Variants in NCOA4 observed in about 807,000 individuals in gnomAD.
NCOA4 encodes nuclear receptor coactivator 4, also known as 70 kDa AR-activator.
In NCOA4, 31 loss-of-function variants were observed where a neutral mutation model predicts 69.5. The observed-to-expected ratio is 0.45, with a 90% CI of 0.34 to 0.60. NCOA4 has a LOEUF of 0.60. Ranked by LOEUF, NCOA4 falls within the 20% of genes least tolerant of loss-of-function variation. The pLI, the probability that NCOA4 is intolerant of heterozygous loss-of-function variation, is 0.02. For missense variants in NCOA4, 600 were observed against 719.2 expected, an observed-to-expected ratio of 0.83 and a Z score of 1.90; for synonymous variants, 228 against 252.4, an observed-to-expected ratio of 0.90 and a Z score of 0.92.
chr10:46,013,738 TCA>T, intron 5 of NCOA4, 99 bp from the exon 6 acceptor site: 2 of 762,084 alleles, frequency 2.6e-6, no homozygotes, highest in Non-Finnish European at 4.3e-6. Flanking sequence ...CATTACCATT[TCA>T]TTAGAAATAC....
At chr10:46,027,461 C>T (rs1554925735) in intron 1 of NCOA4, 1 of 1,551,476 alleles carries the variant, frequency 6.4e-7, no homozygotes, top group East Asian at 2.4e-5. Flanking sequence ...CAACTGGGCC[C>T]CCATTCCAGC....
chr10:46,022,392 T>A, intron 1 of NCOA4: 1 of 449,058 alleles, frequency 2.2e-6, no homozygotes. Flanking sequence ...TTAAAAAATA[T>A]TTTGCAATTT....
At chr10:46,029,051 G>A (rs569812014) in intron 1 of NCOA4, among the ~76,000 whole-genome samples, 1 of 151,680 alleles carries the variant, frequency 6.6e-6, no homozygotes, top group Non-Finnish European at 1.5e-5. Context: ...AAAAAAAAGG[G>A]GGGGGTGAGG....
intron 1 of NCOA4, chr10:46,027,299 G>C (rs1235335093): frequency 2.3e-5 from 12 of 516,096 alleles, no homozygotes; most frequent in Non-Finnish European, 3.9e-5. Flanking sequence ...GAATGATTAA[G>C]ACTTAAGACT....
intron 5 of NCOA4, 66 bp downstream of exon 5, chr10:46,014,378 T>G (rs1554922524): frequency 7.5e-6 from 9 of 1,194,562 alleles, no homozygotes; most frequent in Non-Finnish European, 9.7e-6. Flanking sequence ...ATAGCAATTT[T>G]TTTTAAGACC....
At chr10:46,007,680 C>T (rs1838927649) in intron 9 of NCOA4, among the ~76,000 whole-genome samples, 1 of 148,928 alleles carries the variant, frequency 6.7e-6, no homozygotes, top group Admixed American at 6.8e-5. Context: ...GCAGCCTTGA[C>T]CTCCCAGACA....
Position 46,020,606 on chromosome 10 carries a change from G to A in NCOA4, c.-14-3912C>T, listed in dbSNP as rs139833724. Among the ~76,000 whole-genome samples the A allele has an allele frequency of 3.0e-3, 450 of 152,208 alleles. 3 individuals are homozygous for A. Among genetic ancestry groups the A allele is most frequent in the African/African-American group, 0.01 (431 of 41,526 alleles). ...AGGAATATAGACTCACAGACTTAGG[G>A]GTAAGGAGGTCGTGCTTATTTAATA... On this transcript the variant is annotated intron_variant, in intron 1 of 9. Transcript: ENST00000581486.
chr10:46,022,929 A>T (rs1839970278), intron 1 of NCOA4, among the ~76,000 whole-genome samples: 1 of 152,206 alleles, frequency 6.6e-6, no homozygotes, highest in Admixed American at 6.5e-5. Context: ...ATATCGCAAC[A>T]GATTTAAAAT....
At chr10:46,016,891 A>G (rs782510319) in intron 1 of NCOA4, among the ~76,000 whole-genome samples, 197 bp from the exon 2 acceptor site, 68 of 152,168 alleles carry the variant, frequency 4.5e-4, no homozygotes, top group Non-Finnish European at 9.4e-4. Context: ...TCCTGCCATA[A>G]AACTCTATAA....
intron 1 of NCOA4, among the ~76,000 whole-genome samples, chr10:46,024,236 A>G (rs111932910): frequency 9.5e-4 from 145 of 152,334 alleles, no homozygotes; most frequent in Non-Finnish European, 1.8e-3. Context: ...AAACAGACAT[A>G]CTTCTGAATG....
intron 1 of NCOA4, among the ~76,000 whole-genome samples, chr10:46,018,148 G>C (rs1839678300): frequency 1.3e-5 from 2 of 152,194 alleles, no homozygotes; most frequent in Admixed American, 6.5e-5. Flanking sequence ...AGTTTGTAAA[G>C]TTTTGAGAGG....
At chr10:46,012,010 G>A (rs182047446) in intron 7 of NCOA4, among the ~76,000 whole-genome samples, 8 of 130,272 alleles carry the variant, frequency 6.1e-5, no homozygotes, top group East Asian at 2.6e-4. Context: ...GCAGTGAGCC[G>A]AGATCCCACT....
intron 1 of NCOA4, among the ~76,000 whole-genome samples, chr10:46,022,674 C>G (rs565022790): frequency 6.6e-6 from 1 of 152,218 alleles, no homozygotes; most frequent in Non-Finnish European, 1.5e-5. Context: ...ACCGTGTTAG[C>G]CAGGATGGTC....
At position 46,022,631 on chromosome 10, in the gene NCOA4, A is replaced by AT. The variant is rs1382813406; in HGVS notation, c.-14-5938dup. ...AGGCGCCCGCCGCCACGCCCGGCTA[A>AT]TTTTTTTGTATTTTTAGTAGAGACG... On this transcript the variant is annotated intron_variant, in intron 1 of 9. Transcript: ENST00000581486. The AT allele has an allele frequency of 1.4e-4, 46 of 324,108 alleles. No individual in the cohort carries two copies. The Admixed American group carries it at 1.9e-3, about 13-fold the overall frequency. The allele number at this position is 324,108 out of a possible 1,614,324, so 20.1% of individuals were successfully genotyped here.
At chr10:46,029,403 T>C (rs1840335678) in intron 1 of NCOA4, among the ~76,000 whole-genome samples, 1 of 152,196 alleles carries the variant, frequency 6.6e-6, no homozygotes, top group South Asian at 2.1e-4. Flanking sequence ...CCTAAGCCAC[T>C]GCATCCTTAG....
intron 1 of NCOA4, among the ~76,000 whole-genome samples, chr10:46,027,268 C>CAAA (rs34282889): frequency 7.0e-4 from 56 of 79,512 alleles, no homozygotes; most frequent in Middle Eastern, 7.4e-3. Flanking sequence ...GACTCCGTCT[C>CAAA]AAAAAAAAAA....
intron 7 of NCOA4, among the ~76,000 whole-genome samples, chr10:46,012,070 GA>G (rs71026286): frequency 9.3e-3 from 414 of 44,336 alleles, no homozygotes; most frequent in Admixed American, 0.016. Flanking sequence ...CAAAAAGAAA[GA>G]AAAAAAAAAA....
chr10:46,014,919 A>C lies in NCOA4; in HGVS notation c.306T>G (p.Leu102=), dbSNP rs1219873029. The change falls in exon 4 of 10, where the codon CTT becomes CTG. Residue 102 remains leucine, a synonymous_variant. Coordinates refer to ENST00000581486, the MANE Select transcript of NCOA4 (RefSeq NM_001145263.2). ...LYSLLGQFNC[L]THQLECTQNK... is the part of the protein sequence containing the mutation. ...TTTGGGTACACTCCAGTTGATGAGT[A>C]AGACAATTGAACTGGCCCAATAACT... 6.2e-7 allele frequency: 1 copy of C among 1,614,136 alleles called. No individual in the cohort carries two copies. Among genetic ancestry groups the C allele is most frequent in the African/African-American group, 1.3e-5 (1 of 75,056 alleles).
At chr10:46,015,051 C>T in intron 3 of NCOA4, 75 bp downstream of exon 3, 1 of 1,600,888 alleles carries the variant, frequency 6.2e-7, no homozygotes, top group South Asian at 1.1e-5. Context: ...TATATTAACA[C>T]TGCATTACAA....
Sources: gnomAD v4.1 joint callset for allele counts (sites outside exome capture counted in the v4.1 genomes callset) on GRCh38, gnomAD v4.1.1 for gene constraint, MANE v1.5 for transcripts, NCBI Gene and HGNC (gene_info 2026-07-23, HGNC 2026-07-21) for gene names.